Variants in SLC24A2 observed in about 807,000 individuals in gnomAD.
SLC24A2 encodes sodium/potassium/calcium exchanger 2.
SLC24A2 carries 36 observed loss-of-function variants against 62.0 expected under a neutral mutation model. The ratio of observed to expected loss-of-function variants is 0.58; its 90% confidence interval spans 0.44 to 0.77. The LOEUF (loss-of-function observed/expected upper bound fraction) is 0.77, where lower values mean the gene tolerates loss of function less well. SLC24A2 is among the 30% of genes least tolerant of loss of function. SLC24A2 has a pLI of 0.00. For missense variants in SLC24A2, 846 were observed against 817.9 expected, an observed-to-expected ratio of 1.03 and a Z score of -0.42; for synonymous variants, 358 against 294.0, an observed-to-expected ratio of 1.22 and a Z score of -2.23.
chr9:19,530,997 A>T (rs1176285899), intron 8 of SLC24A2, among the ~76,000 whole-genome samples: 1 of 152,164 alleles, frequency 6.6e-6, no homozygotes, highest in African/African-American at 2.4e-5. Flanking sequence ...CGCCATATAC[A>T]TAATGATCAT....
chr9:20,174,875 A>G, the SLC24A2 span, among the ~76,000 whole-genome samples: 2 of 151,972 alleles, frequency 1.3e-5, no homozygotes, highest in African/African-American at 4.8e-5. Flanking sequence ...AAAAGAAGTC[A>G]TTGTAGGAAA....
At chr9:20,069,652 T>G in the SLC24A2 span, among the ~76,000 whole-genome samples, 197 of 152,266 alleles carry the variant, frequency 1.3e-3, no homozygotes, top group Non-Finnish European at 2.3e-3. Context: ...TTTCGTCACC[T>G]ATGTATACAT....
the SLC24A2 span, among the ~76,000 whole-genome samples, chr9:20,230,740 A>C: frequency 6.6e-6 from 1 of 152,122 alleles, no homozygotes; most frequent in Non-Finnish European, 1.5e-5. Context: ...TAGTTTAATG[A>C]GATCCCATTT....
the SLC24A2 span, among the ~76,000 whole-genome samples, chr9:19,847,428 A>C: frequency 1.4e-4 from 21 of 152,010 alleles, no homozygotes; most frequent in African/African-American, 4.8e-4. Context: ...GGTCAACAAA[A>C]CTCTCAATTG....
intron 5 of SLC24A2, among the ~76,000 whole-genome samples, chr9:19,596,183 G>C (rs999644018): frequency 1.3e-5 from 2 of 152,208 alleles, no homozygotes; most frequent in Non-Finnish European, 2.9e-5. Flanking sequence ...TTCACTTCTT[G>C]CATGCAAAGC....
the SLC24A2 span, among the ~76,000 whole-genome samples, chr9:20,270,381 G>A: frequency 3.3e-5 from 5 of 152,094 alleles, no homozygotes; most frequent in Non-Finnish European, 5.9e-5. Flanking sequence ...AGTTTCCTGT[G>A]TACCTCACAG....
At chr9:20,239,876 GC>G in the SLC24A2 span, among the ~76,000 whole-genome samples, 1,405 of 125,776 alleles carry the variant, frequency 0.011, 17 homozygotes, top group African/African-American at 0.04. Context: ...TTGCCTTCTG[GC>G]TTTTTTTTTT....
chr9:19,767,508 C>T (rs1167385013), intron 2 of SLC24A2, among the ~76,000 whole-genome samples: 1 of 152,198 alleles, frequency 6.6e-6, no homozygotes, highest in African/African-American at 2.4e-5. Flanking sequence ...CCAGATAGCA[C>T]TGTTCCTCAC....
chr9:19,946,418 C>G, the SLC24A2 span, among the ~76,000 whole-genome samples: 1 of 152,158 alleles, frequency 6.6e-6, no homozygotes, highest in African/African-American at 2.4e-5. Context: ...CTGAGGAGCT[C>G]AATCAGTATC....
At chr9:19,868,508 T>C in the SLC24A2 span, among the ~76,000 whole-genome samples, 1 of 152,242 alleles carries the variant, frequency 6.6e-6, no homozygotes, top group Admixed American at 6.5e-5. Flanking sequence ...ATTTGATTAA[T>C]GATGTTGTGC....
the SLC24A2 span, among the ~76,000 whole-genome samples, chr9:20,161,846 G>A: frequency 6.6e-6 from 1 of 151,216 alleles, no homozygotes; most frequent in Non-Finnish European, 1.5e-5. Flanking sequence ...ATGAGGATAT[G>A]CTACATTCCC....
rs1832883156 is a variant in SLC24A2, at chr9:19,515,339, G to C, written c.*814C>G. ...TACCTCTTTCTGTCCTAAGTACCCT[G>C]AGTTTCTTGGTCAGGGTACTCTGGT... On this transcript the variant is annotated 3_prime_UTR_variant, in exon 11 of 11. Coordinates refer to ENST00000341998, the MANE Select transcript of SLC24A2 (RefSeq NM_020344.4). 1 of 152,096 alleles carries C rather than the reference G, an allele frequency of 6.6e-6. No homozygotes were observed. Among genetic ancestry groups the C allele is most frequent in the Non-Finnish European group, 1.5e-5 (1 of 68,032 alleles). 9.4% of individuals were successfully genotyped at this position (152,096 alleles called of 1,614,324 possible).
intron 8 of SLC24A2, among the ~76,000 whole-genome samples, chr9:19,536,061 C>T (rs1034460785): frequency 1.3e-5 from 2 of 151,382 alleles, no homozygotes; most frequent in African/African-American, 4.9e-5. Context: ...CTTCACATCC[C>T]TTGTAAGTTG....
chr9:20,206,983 T>G, the SLC24A2 span, among the ~76,000 whole-genome samples: 1 of 152,076 alleles, frequency 6.6e-6, no homozygotes, highest in Non-Finnish European at 1.5e-5. Context: ...GCCATTATAC[T>G]TACTCCATAT....
the SLC24A2 span, among the ~76,000 whole-genome samples, chr9:19,868,642 T>A: frequency 2.0e-5 from 3 of 152,208 alleles, no homozygotes; most frequent in Non-Finnish European, 2.9e-5. Context: ...GTATTTTGAA[T>A]CTTTGTTGTT....
chr9:20,289,386 A>G, the SLC24A2 span, among the ~76,000 whole-genome samples: 2 of 152,190 alleles, frequency 1.3e-5, no homozygotes, highest in African/African-American at 4.8e-5. Context: ...CAATTTGTCC[A>G]CAGTCATACC....
the SLC24A2 span, among the ~76,000 whole-genome samples, chr9:20,280,658 C>T: frequency 3.3e-5 from 5 of 152,136 alleles, no homozygotes; most frequent in Admixed American, 2.0e-4. Context: ...TGTGGGTTAC[C>T]GAAAGACATG....
In SLC24A2 at chr9:19,619,831, C is replaced by T. The variant is rs549552069; in HGVS notation, c.970-139G>A. ...TATTGAGCCAAAGATTTTCAAAGCA[C>T]ATTTCAAAGCCCCTGAGGGAATGGC... On this transcript the variant is annotated intron_variant, in intron 3 of 10. Transcript: ENST00000341998. The T allele has an allele frequency of 1.3e-4, 93 of 714,502 alleles. No individual in the cohort carries two copies. The South Asian group carries it at 1.3e-3, about 10-fold the overall frequency. The allele number at this position is 714,502 out of a possible 1,614,324, so 44.3% of individuals were successfully genotyped here. A position where few individuals can be genotyped will look rare whatever the true frequency, so the allele number is the denominator to read the frequency against.
the SLC24A2 span, among the ~76,000 whole-genome samples, chr9:20,067,449 G>T: frequency 6.6e-6 from 1 of 151,556 alleles, no homozygotes; most frequent in Non-Finnish European, 1.5e-5. Context: ...TTAGATACAG[G>T]GTGTACATGT....
Sources: gnomAD v4.1 joint callset for allele counts (sites outside exome capture counted in the v4.1 genomes callset) on GRCh38, gnomAD v4.1.1 for gene constraint, MANE v1.5 for transcripts, NCBI Gene and HGNC (gene_info 2026-07-23, HGNC 2026-07-21) for gene names.